CRTAM: variants seen among roughly 807,000 people sequenced by gnomAD.
The protein encoded by CRTAM is cytotoxic and regulatory T-cell molecule.
Under a neutral mutation model 50.0 loss-of-function variants are expected in CRTAM, and 44 were observed. The observed-to-expected ratio is 0.88, with a 90% CI of 0.69 to 1.13. The LOEUF (loss-of-function observed/expected upper bound fraction) is 1.13, where lower values mean the gene tolerates loss of function less well. Among genes scored for constraint, CRTAM ranks in the 50% most tolerant of loss-of-function variants. The pLI is 0.00. For missense variants in CRTAM, 448 were observed against 457.5 expected (o/e 0.98, Z 0.19); for synonymous variants, 159 against 169.3 (o/e 0.94, Z 0.47).
At chr11:122,846,968 A>G (rs1215113699) in intron 1 of CRTAM, among the ~76,000 whole-genome samples, 1 of 152,198 alleles carries the variant, frequency 6.6e-6, no homozygotes, top group African/African-American at 2.4e-5. Context: ...GTCTTTTGAC[A>G]CTGACTCTTT....
At chr11:122,841,829 A>G (rs552379882) in intron 1 of CRTAM, among the ~76,000 whole-genome samples, 158 of 152,382 alleles carry the variant, frequency 1.0e-3, no homozygotes, top group African/African-American at 3.7e-3. Context: ...CTGTAACCAA[A>G]TAATTATAAA....
chr11:122,838,529 A>G lies in CRTAM; in HGVS notation c.-18A>G. The G allele has an allele frequency of 6.2e-7, 1 of 1,612,618 alleles. No individual in the cohort carries two copies. The highest frequency in any genetic ancestry group is 8.5e-7 in the Non-Finnish European group (1 of 1,179,436). The stretch of plus-strand genomic sequence containing the variant: ...TCTAGAGGAAGTTGACAAAGGTGCC[A>G]CAGCAGCACAGCACAGTATGTGGTG... On this transcript the variant is annotated 5_prime_UTR_variant, in exon 1 of 10. Coordinates refer to ENST00000227348, the MANE Select transcript of CRTAM (RefSeq NM_019604.4).
At chr11:122,857,264 T>A (rs1862019277) in intron 5 of CRTAM, among the ~76,000 whole-genome samples, 1 of 151,858 alleles carries the variant, frequency 6.6e-6, no homozygotes, top group Non-Finnish European at 1.5e-5. Flanking sequence ...AGGTCAGGAG[T>A]TCGAGACCAG....
chr11:122,864,833 C>A, intron 7 of CRTAM, 114 bp downstream of exon 7: 1 of 734,224 alleles, frequency 1.4e-6, no homozygotes. Context: ...CCCTTTAGGA[C>A]ATGATTGGTT....
intron 9 of CRTAM, among the ~76,000 whole-genome samples, chr11:122,869,060 A>G (rs960930464): frequency 2.0e-5 from 3 of 152,148 alleles, no homozygotes; most frequent in African/African-American, 7.2e-5. Context: ...TCAAAATCTG[A>G]TTTTTTAGCA....
intron 1 of CRTAM, among the ~76,000 whole-genome samples, chr11:122,847,067 A>T (rs1402216836): frequency 6.6e-6 from 1 of 152,232 alleles, no homozygotes; most frequent in East Asian, 1.9e-4. Flanking sequence ...TGTCATGCTT[A>T]CTATGGACTA....
At chr11:122,842,588 A>T (rs117341855) in intron 1 of CRTAM, among the ~76,000 whole-genome samples, 2 of 152,192 alleles carry the variant, frequency 1.3e-5, no homozygotes, top group Non-Finnish European at 2.9e-5. Context: ...CCTCAAATTC[A>T]TGGTTTTAAA....
In CRTAM at chr11:122,871,684, G is replaced by A; in HGVS notation, c.*285G>A. 9.8e-6 allele frequency: 2 copies of A among 204,606 alleles called. No individual in the cohort carries two copies. The highest frequency in any genetic ancestry group is 9.7e-6 in the Non-Finnish European group (1 of 102,948). 12.7% of individuals were successfully genotyped at this position (204,606 alleles called of 1,614,324 possible). ...CGAAGCCTTGGGGATCAGGGTCAGT[G>A]TGAGCAGCTAACATCCTACCTCAAA... On this transcript the variant is annotated 3_prime_UTR_variant, in exon 10 of 10. Transcript: ENST00000227348.
At position 122,871,439 on chromosome 11, in the gene CRTAM, A is replaced by G. The variant is rs371011462; in HGVS notation, c.*40A>G. ...GAACATGTGATTTCAGGGTTGCCGC[A>G]GTGTCACCTCAGTGGACCAGCCTGG... On this transcript the variant is annotated 3_prime_UTR_variant, in exon 10 of 10. Transcript: ENST00000227348. The G allele has an allele frequency of 6.3e-7, 1 of 1,587,362 alleles. No homozygotes were observed. Among genetic ancestry groups the G allele is most frequent in the African/African-American group, 1.3e-5 (1 of 74,370 alleles).
At chr11:122,839,574 T>G (rs184294763) in intron 1 of CRTAM, among the ~76,000 whole-genome samples, 196 of 152,340 alleles carry the variant, frequency 1.3e-3, no homozygotes, top group African/African-American at 4.5e-3. Context: ...ATAGAAGCAG[T>G]TACCTTTTTG....
intron 5 of CRTAM, among the ~76,000 whole-genome samples, chr11:122,857,005 C>T (rs1565290546): frequency 6.6e-6 from 1 of 151,070 alleles, no homozygotes; most frequent in Non-Finnish European, 1.5e-5. Flanking sequence ...TTCCTAAAGA[C>T]ATTCAGGTTC....
Position 122,851,778 on chromosome 11 carries a change from A to C in CRTAM, c.279A>C (p.Glu93Asp). The C allele has an allele frequency of 6.2e-7, 1 of 1,614,042 alleles. No individual in the cohort carries two copies. The highest frequency in any genetic ancestry group is 1.6e-4 in the Middle Eastern group (1 of 6,062). ...ITVPNVTLQDEGVYKCLHYSD... is the reference protein window; with the variant it reads ...ITVPNVTLQDDGVYKCLHYSD... ...TGCCTAACGTAACCCTGCAAGATGA[A>C]GGCGTGTACAAGTGCTTACATTACA... is the stretch of plus-strand genomic sequence containing the variant. Residue 93 changes from glutamate to aspartate, a missense_variant, in exon 3 of 10, where the codon GAA (glutamate) becomes GAC (aspartate). Glu to Asp is a conservative substitution (Grantham distance 45). Coordinates refer to ENST00000227348, the MANE Select transcript of CRTAM (RefSeq NM_019604.4).
intron 3 of CRTAM, among the ~76,000 whole-genome samples, chr11:122,853,603 T>C (rs1257568159): frequency 1.3e-5 from 2 of 151,446 alleles, no homozygotes; most frequent in Non-Finnish European, 2.9e-5. Context: ...GGCGGATCAA[T>C]TGAGGTCTGG....
chr11:122,839,411 G>A (rs1462818513), intron 1 of CRTAM, among the ~76,000 whole-genome samples: 2 of 152,294 alleles, frequency 1.3e-5, no homozygotes, highest in African/African-American at 4.8e-5. Flanking sequence ...ATGATAAAGC[G>A]CTGTGCAACA....
rs1565288629 is a variant in CRTAM at position 122,850,210 on chromosome 11, T to A, written c.189T>A (p.Tyr63Ter). 2 of 1,601,266 alleles carry A rather than the reference T, an allele frequency of 1.2e-6. No individual in the cohort carries two copies. The highest frequency in any genetic ancestry group is 1.7e-6 in the Non-Finnish European group (2 of 1,172,514). The change falls in exon 2 of 10, where the codon TAT becomes TAA. Residue 63 changes from tyrosine (Y) to a stop codon, truncating the protein, a stop_gained. Coordinates refer to ENST00000227348, the MANE Select transcript of CRTAM (RefSeq NM_019604.4). LOFTEE classifies it high-confidence loss of function. ...PSGFTIFLNE[Y>*]PALKNSKYQL... ...GGTTCACCATTTTTTTAAATGAGTATCCTGGTAAGTGAAAGAAAGAAAGAA... is the reference window on the plus strand; with the variant it reads ...GGTTCACCATTTTTTTAAATGAGTAACCTGGTAAGTGAAAGAAAGAAAGAA...
At chr11:122,847,560 G>C (rs1408103363) in intron 1 of CRTAM, among the ~76,000 whole-genome samples, 1 of 152,182 alleles carries the variant, frequency 6.6e-6, no homozygotes, top group Non-Finnish European at 1.5e-5. Context: ...TTGGGTGACT[G>C]CCTCAACAGG....
chr11:122,862,355 C>T, intron 5 of CRTAM, 109 bp from the exon 6 acceptor site: 4 of 737,502 alleles, frequency 5.4e-6, no homozygotes, highest in South Asian at 1.5e-5. Flanking sequence ...TCTGCACAAC[C>T]TCTACAAGCA....
chr11:122,865,688 C>G (rs1451895665), intron 7 of CRTAM, among the ~76,000 whole-genome samples: 1 of 152,162 alleles, frequency 6.6e-6, no homozygotes, highest in East Asian at 1.9e-4. Flanking sequence ...TCTGTGATTT[C>G]CCCAAACTCA....
Position 122,861,878 on chromosome 11 carries a change from A to C in CRTAM, c.653-586A>C, listed in dbSNP as rs555556786. On this transcript the variant is annotated intron_variant, in intron 5 of 9. Coordinates refer to ENST00000227348, the MANE Select transcript of CRTAM (RefSeq NM_019604.4). ...CTGGAAACATTCCTAAGCATTGATT[A>C]ATGTTATACAATAACATTTAGCACT... Among the ~76,000 whole-genome samples the C allele has an allele frequency of 2.6e-5, 4 of 152,316 alleles. No homozygotes were observed. The East Asian group carries it at 5.8e-4, about 22-fold the overall frequency.
Sources: gnomAD v4.1 joint callset for allele counts (sites outside exome capture counted in the v4.1 genomes callset) on GRCh38, gnomAD v4.1.1 for gene constraint, MANE v1.5 for transcripts, NCBI Gene and HGNC (gene_info 2026-07-23, HGNC 2026-07-21) for gene names.